Variants in STARD13 observed in about 807,000 individuals in gnomAD.
The protein encoded by STARD13 is stAR-related lipid transfer protein 13.
STARD13 carries 62 observed loss-of-function variants against 106.4 expected under a neutral mutation model. The ratio of observed to expected loss-of-function variants is 0.58; its 90% CI spans 0.48 to 0.72. The LOEUF is 0.72. Ranked by LOEUF, STARD13 falls within the 30% of genes least tolerant of loss-of-function variation. STARD13 has a pLI of 0.00. For synonymous variants in STARD13, 565 were observed against 553.0 expected, an observed-to-expected ratio of 1.02 and a Z score of -0.31; for missense variants, 1,387 against 1,424.0, an observed-to-expected ratio of 0.97 and a Z score of 0.42.
the STARD13 span, among the ~76,000 whole-genome samples, chr13:33,559,644 A>T: frequency 6.6e-6 from 1 of 151,544 alleles, no homozygotes; most frequent in Non-Finnish European, 1.5e-5. Flanking sequence ...TCACAAGGTC[A>T]GGAGTTCAAG....
rs144085557 is a variant in STARD13, at chr13:33,264,608, AAG to A, written c.169+20860_169+20861del. 2.1e-3 allele frequency among the ~76,000 whole-genome samples: 314 copies of A among 152,296 alleles called. 3 individuals are homozygous for A. The highest frequency in any genetic ancestry group is 7.3e-3 in the African/African-American group (304 of 41,574). ...GAACAGAATGGCTTGATCAGCAGGA[AAG>A]AGAGAATTGCATTGACATATAAATA... On this transcript the variant is annotated intron_variant, in intron 1 of 13. Coordinates refer to ENST00000336934, the MANE Select transcript of STARD13 (RefSeq NM_178006.4).
the STARD13 span, among the ~76,000 whole-genome samples, chr13:33,652,158 C>T: frequency 2.6e-5 from 4 of 152,178 alleles, no homozygotes; most frequent in African/African-American, 9.7e-5. Context: ...AACCACAGCC[C>T]TCAATAAATC....
the STARD13 span, among the ~76,000 whole-genome samples, chr13:33,435,021 T>C: frequency 6.6e-6 from 1 of 152,142 alleles, no homozygotes; most frequent in Admixed American, 6.5e-5. Flanking sequence ...AGTCAACTTC[T>C]TTAGCTAGAG....
chr13:33,160,322 T>C (rs1162397961), intron 3 of STARD13, among the ~76,000 whole-genome samples: 1 of 152,138 alleles, frequency 6.6e-6, no homozygotes, highest in Non-Finnish European at 1.5e-5. Context: ...GGTCTAAATA[T>C]AAAACACAAA....
chr13:33,384,825 C>G, the STARD13 span, among the ~76,000 whole-genome samples: 1 of 152,108 alleles, frequency 6.6e-6, no homozygotes, highest in Non-Finnish European at 1.5e-5. Context: ...CAAGGAGGGA[C>G]TTAGTTAAAT....
the STARD13 span, among the ~76,000 whole-genome samples, chr13:33,666,731 C>A: frequency 2.6e-5 from 4 of 152,166 alleles, no homozygotes; most frequent in African/African-American, 9.7e-5. Flanking sequence ...GCTGGGATTA[C>A]AGGCTCCCAC....
chr13:33,455,540 C>A, the STARD13 span, among the ~76,000 whole-genome samples: 1 of 152,106 alleles, frequency 6.6e-6, no homozygotes, highest in Non-Finnish European at 1.5e-5. Flanking sequence ...CCTTCTAGAA[C>A]AAGAGTTACA....
the STARD13 span, among the ~76,000 whole-genome samples, chr13:33,641,273 G>A: frequency 1.3e-5 from 2 of 152,104 alleles, no homozygotes; most frequent in Non-Finnish European, 2.9e-5. Flanking sequence ...CAGAGACAGG[G>A]TCTCACCATG....
chr13:33,333,016 T>C (rs1285404923), intron 1 of STARD13, among the ~76,000 whole-genome samples: 1 of 152,122 alleles, frequency 6.6e-6, no homozygotes, highest in Admixed American at 6.5e-5. Flanking sequence ...TCTATAATAA[T>C]AATGATAATA....
rs145938818 is a variant in STARD13 at position 33,312,440 on chromosome 13, C to A, written c.124+37850G>T. Among the ~76,000 whole-genome samples, 36 of 152,286 alleles carry A rather than the reference C, an allele frequency of 2.4e-4. No homozygotes were observed. In the East Asian group the frequency reaches 6.8e-3, roughly 29 times the overall value. On this transcript the variant is annotated intron_variant, in intron 1 of 5. Coordinates refer to the STARD13 transcript ENST00000567873. ...TAACCCATGCCTTTCCTGCTCCACC[C>A]CTTTTCTCCGGCCTTTTCTGCCCTC...
chr13:33,385,343 GTGCCTATTTGGTACAGC>G, the STARD13 span, among the ~76,000 whole-genome samples: 1 of 144,508 alleles, frequency 6.9e-6, no homozygotes, highest in Non-Finnish European at 1.5e-5. Context: ...AAAAGGCAAA[GTGCCTATTTGGTACAGC>G]TGTCCTAAAC....
At chr13:33,572,856 G>A in the STARD13 span, among the ~76,000 whole-genome samples, 2 of 152,242 alleles carry the variant, frequency 1.3e-5, no homozygotes, top group South Asian at 4.1e-4. Flanking sequence ...GTATATGGAA[G>A]GATGCACATA....
At chr13:33,226,433 TTC>T (rs1888629072) in intron 1 of STARD13, among the ~76,000 whole-genome samples, 1 of 122,458 alleles carries the variant, frequency 8.2e-6, no homozygotes, top group Admixed American at 9.6e-5. Flanking sequence ...TCAAATTTAG[TTC>T]TTTTTTTTTT....
At chr13:33,172,037 A>G (rs1426446649) in intron 1 of STARD13, among the ~76,000 whole-genome samples, 1 of 152,178 alleles carries the variant, frequency 6.6e-6, no homozygotes, top group African/African-American at 2.4e-5. Context: ...TTTCTTAATT[A>G]TACATGCCCA....
At chr13:33,275,757 C>T (rs562799319) in intron 1 of STARD13, 1 of 152,240 alleles carries the variant, frequency 6.6e-6, no homozygotes, top group Non-Finnish European at 1.5e-5. Flanking sequence ...ATTCAACCAA[C>T]ATGTTTCAAT....
chr13:33,254,820 A>T (rs768496416), intron 1 of STARD13, among the ~76,000 whole-genome samples: 1 of 151,742 alleles, frequency 6.6e-6, no homozygotes, highest in African/African-American at 2.4e-5. Context: ...TCCCACTCCA[A>T]CCCCTCTTTG....
intron 1 of STARD13, among the ~76,000 whole-genome samples, chr13:33,311,149 T>A (rs1348156088): frequency 0.011 from 1,433 of 133,558 alleles, 18 homozygotes; most frequent in African/African-American, 0.039. Flanking sequence ...AAAAAAAAAA[T>A]AGTTGGGTGT....
At chr13:33,302,837 TA>T (rs1320498233) in intron 1 of STARD13, among the ~76,000 whole-genome samples, 2 of 152,228 alleles carry the variant, frequency 1.3e-5, no homozygotes, top group Non-Finnish European at 2.9e-5. Flanking sequence ...ATTAATCTCC[TA>T]AAGTATAGTT....
chr13:33,502,645 T>A, the STARD13 span, among the ~76,000 whole-genome samples: 1 of 152,194 alleles, frequency 6.6e-6, no homozygotes, highest in East Asian at 1.9e-4. Context: ...GAGATAATCA[T>A]GTGGTTTTTG....
Sources: gnomAD v4.1 joint callset for allele counts (sites outside exome capture counted in the v4.1 genomes callset) on GRCh38, gnomAD v4.1.1 for gene constraint, MANE v1.5 for transcripts, NCBI Gene and HGNC (gene_info 2026-07-23, HGNC 2026-07-21) for gene names.